The following ADAM22 variants were observed in gnomAD, a reference collection of about 807,000 sequenced individuals.
ADAM22 encodes the protein ADAM metallopeptidase domain 22, also known as disintegrin and metalloproteinase domain-containing protein 22.
ADAM22 carries 65 observed loss-of-function variants against 144.6 expected under a neutral mutation model. The ratio of observed to expected loss-of-function variants is 0.45; its 90% CI spans 0.37 to 0.55. The LOEUF (loss-of-function observed/expected upper bound fraction) is 0.55, where lower values mean the gene tolerates loss of function less well. Ranked by LOEUF, ADAM22 falls within the 20% of genes least tolerant of loss-of-function variation. The pLI, the probability that ADAM22 is intolerant of heterozygous loss-of-function variation, is 0.00. For missense variants in ADAM22, 974 were observed against 1,184.9 expected, an observed-to-expected ratio of 0.82 and a Z score of 2.61; for synonymous variants, 391 against 412.6, an observed-to-expected ratio of 0.95 and a Z score of 0.63.
intron 17 of ADAM22, among the ~76,000 whole-genome samples, chr7:88,148,151 A>T (rs536549901): frequency 2.6e-5 from 4 of 152,188 alleles, no homozygotes; most frequent in Non-Finnish European, 5.9e-5. Context: ...GAGAAGATAA[A>T]GCTTATCTAG....
chr7:87,939,924 T>G (rs756636331), intron 2 of ADAM22, among the ~76,000 whole-genome samples: 2 of 152,166 alleles, frequency 1.3e-5, no homozygotes, highest in Non-Finnish European at 2.9e-5. Context: ...CTGGGCATGG[T>G]GGCCCACACC....
At chr7:88,046,701 T>A (rs755120154) in intron 3 of ADAM22, among the ~76,000 whole-genome samples, 1 of 152,168 alleles carries the variant, frequency 6.6e-6, no homozygotes, top group Non-Finnish European at 1.5e-5. Flanking sequence ...TAGCTTCAGG[T>A]CTGTGTTTAA....
chr7:88,051,272 T>A (rs1275082982), intron 3 of ADAM22, among the ~76,000 whole-genome samples: 2 of 152,194 alleles, frequency 1.3e-5, no homozygotes, highest in Admixed American at 1.3e-4. Flanking sequence ...TGCGGCACTA[T>A]TCACAATAGC....
At chr7:88,018,569 T>C (rs1303001825) in intron 3 of ADAM22, among the ~76,000 whole-genome samples, 1 of 152,168 alleles carries the variant, frequency 6.6e-6, no homozygotes, top group Admixed American at 6.5e-5. Flanking sequence ...TGGGTAGAAA[T>C]ATAAAGCATC....
chr7:88,084,718 C>A (rs1307956303), intron 4 of ADAM22, among the ~76,000 whole-genome samples: 3 of 152,172 alleles, frequency 2.0e-5, no homozygotes, highest in Admixed American at 6.5e-5. Context: ...TCCTTCCCTG[C>A]AGTACCTTTT....
intron 3 of ADAM22, among the ~76,000 whole-genome samples, chr7:87,999,804 A>C (rs1171189493): frequency 6.6e-6 from 1 of 152,126 alleles, no homozygotes; most frequent in African/African-American, 2.4e-5. Flanking sequence ...TCCTTGGATA[A>C]ATTCTTTATT....
intron 13 of ADAM22, 140 bp from the exon 14 acceptor site, chr7:88,135,839 GT>G (rs1430124885): frequency 1.7e-6 from 1 of 576,008 alleles, no homozygotes; most frequent in Admixed American, 3.9e-5. Flanking sequence ...AAAAACTATT[GT>G]AAGATGAATT....
chr7:88,195,718 C>T (rs939373024), intron 31 of ADAM22, among the ~76,000 whole-genome samples: 2 of 151,994 alleles, frequency 1.3e-5, no homozygotes, highest in African/African-American at 2.4e-5. Flanking sequence ...GGGGTTTCAC[C>T]GTGTTATGCA....
chr7:88,094,885 A>C (rs539635256), intron 4 of ADAM22, among the ~76,000 whole-genome samples: 53 of 152,354 alleles, frequency 3.5e-4, no homozygotes, highest in African/African-American at 1.3e-3. Context: ...CTTAGAGACC[A>C]TGAATATTGT....
intron 26 of ADAM22, among the ~76,000 whole-genome samples, chr7:88,178,034 A>G (rs1374187726): frequency 3.3e-5 from 5 of 152,172 alleles, no homozygotes; most frequent in Non-Finnish European, 5.9e-5. Flanking sequence ...CAGATTAGCT[A>G]TTGCAGGAAG....
chr7:88,177,122 C>G (rs958122829), intron 26 of ADAM22, among the ~76,000 whole-genome samples: 7 of 152,162 alleles, frequency 4.6e-5, no homozygotes, highest in African/African-American at 1.4e-4. Flanking sequence ...TAAAGATTAT[C>G]AGTAAAGATA....
intron 3 of ADAM22, among the ~76,000 whole-genome samples, chr7:88,054,504 CATTCATCTTAG>C (rs1436399055): frequency 6.6e-6 from 1 of 151,860 alleles, no homozygotes; most frequent in East Asian, 1.9e-4. Context: ...ATCTATCATA[CATTCATCTTAG>C]AAACATCCTT....
At chr7:88,096,865 G>A (rs1478036716) in intron 4 of ADAM22, among the ~76,000 whole-genome samples, 1 of 151,804 alleles carries the variant, frequency 6.6e-6, no homozygotes, top group Non-Finnish European at 1.5e-5. Context: ...ACACTTGCTG[G>A]GAAAAAAAGC....
In ADAM22 at chr7:88,139,748, G is replaced by T. The variant is rs568331881; in HGVS notation, c.1221-3278G>T. On this transcript the variant is annotated intron_variant, in intron 14 of 31. Coordinates refer to ENST00000413139, the MANE Select transcript of ADAM22 (RefSeq NM_001324418.2). Reference sequence around the variant, plus strand: ...GCAGTGTATCCCTGAGCTGGAGGCTGTGTCAGGTTTTATAAGCATAGGGTA... The same window carrying T: ...GCAGTGTATCCCTGAGCTGGAGGCTTTGTCAGGTTTTATAAGCATAGGGTA... 1.1e-4 allele frequency among the ~76,000 whole-genome samples: 16 copies of T among 146,814 alleles called. No individual in the cohort carries two copies. The South Asian group carries it at 3.4e-3, about 31-fold the overall frequency.
At chr7:88,025,436 T>C (rs1224808110) in intron 3 of ADAM22, among the ~76,000 whole-genome samples, 2 of 152,110 alleles carry the variant, frequency 1.3e-5, no homozygotes, top group African/African-American at 2.4e-5. Flanking sequence ...GTATTACTGG[T>C]ATTGCTCACT....
chr7:88,068,504 A>C (rs1811876154), intron 3 of ADAM22, among the ~76,000 whole-genome samples: 2 of 152,218 alleles, frequency 1.3e-5, no homozygotes. Flanking sequence ...AAAGAAAGTT[A>C]CATTTAATAT....
At chr7:88,075,484 G>GAA (rs1554446828) in intron 3 of ADAM22, 142 bp from the exon 4 acceptor site, 1 of 591,220 alleles carries the variant, frequency 1.7e-6, no homozygotes, top group Admixed American at 2.6e-5. Flanking sequence ...GTGTGAGTGT[G>GAA]AGAGAGAGAG....
At chr7:88,171,606 T>G in intron 26 of ADAM22, 45 bp downstream of exon 26, 2 of 1,515,916 alleles carry the variant, frequency 1.3e-6, no homozygotes, top group Admixed American at 4.3e-5. Flanking sequence ...AAGGTTTGAC[T>G]CATATTAGCA....
chr7:88,064,907 C>G (rs1810831122), intron 3 of ADAM22, among the ~76,000 whole-genome samples: 2 of 151,988 alleles, frequency 1.3e-5, no homozygotes, highest in South Asian at 4.2e-4. Context: ...ACCATTAGAT[C>G]AGTAGAAATA....
Sources: allele counts gnomAD v4.1 joint callset (sites outside exome capture counted in the v4.1 genomes callset), GRCh38; gene constraint gnomAD v4.1.1; transcripts MANE v1.5; gene names NCBI Gene and HGNC (gene_info 2026-07-23, HGNC 2026-07-21).